The following CHSY3 variants were observed in gnomAD, a reference collection of about 807,000 sequenced individuals.
The protein encoded by CHSY3 is chondroitin sulfate synthase 3.
CHSY3 carries 35 observed loss-of-function variants against 67.2 expected under a neutral mutation model. The observed-to-expected ratio is 0.52, with a 90% CI of 0.40 to 0.69. The LOEUF is 0.69. Among genes scored for constraint, CHSY3 ranks in the 30% least tolerant of loss-of-function variants. CHSY3 has a pLI of 0.00. For synonymous variants in CHSY3, 474 were observed against 434.7 expected (o/e 1.09, Z -1.12); for missense variants, 1,069 against 1,138.5 (o/e 0.94, Z 0.88).
At chr5:130,044,744 T>C (rs890129337) in intron 2 of CHSY3, among the ~76,000 whole-genome samples, 2 of 152,052 alleles carry the variant, frequency 1.3e-5, no homozygotes, top group Non-Finnish European at 2.9e-5. Context: ...GGTATCATTA[T>C]GGGAGTGGGA....
At chr5:130,113,107 AATAC>A (rs1767639528) in intron 2 of CHSY3, among the ~76,000 whole-genome samples, 2 of 103,124 alleles carry the variant, frequency 1.9e-5, no homozygotes, top group Admixed American at 2.2e-4. Context: ...AAAATGATAT[AATAC>A]GTGTGTGTGT....
At chr5:129,954,930 G>A (rs947389451) in intron 2 of CHSY3, among the ~76,000 whole-genome samples, 14 of 152,142 alleles carry the variant, frequency 9.2e-5, no homozygotes, top group East Asian at 1.9e-4. Flanking sequence ...GTGCCGTGGC[G>A]CGATCTTGGC....
At chr5:130,067,886 C>T (rs1214575626) in intron 2 of CHSY3, among the ~76,000 whole-genome samples, 1 of 152,088 alleles carries the variant, frequency 6.6e-6, no homozygotes, top group Non-Finnish European at 1.5e-5. Flanking sequence ...TACATAGGTT[C>T]CCCAAAATAA....
intron 2 of CHSY3, among the ~76,000 whole-genome samples, chr5:130,079,615 A>G (rs945884563): frequency 1.3e-5 from 2 of 152,114 alleles, no homozygotes; most frequent in East Asian, 1.9e-4. Context: ...GAGGGGTCTT[A>G]CAGACTGGGT....
chr5:130,030,522 A>T (rs991426436), intron 2 of CHSY3, among the ~76,000 whole-genome samples: 1 of 152,214 alleles, frequency 6.6e-6, no homozygotes, highest in Middle Eastern at 3.2e-3. Flanking sequence ...TTAGAACATT[A>T]TTCAAAAATA....
At chr5:130,020,420 AAAATATAT>A (rs1254060518) in intron 2 of CHSY3, among the ~76,000 whole-genome samples, 14 of 59,214 alleles carry the variant, frequency 2.4e-4, no homozygotes, top group South Asian at 7.6e-4. Flanking sequence ...ACTTCATCTC[AAAATATAT>A]ATATATATAT....
rs141798077 is a variant in CHSY3 at position 130,066,441 on chromosome 5, A to G, written c.1087-117788A>G. Among the ~76,000 whole-genome samples the G allele has an allele frequency of 4.4e-3, 665 of 152,218 alleles. 7 individuals carry two copies. The highest frequency in any genetic ancestry group is 0.015 in the African/African-American group (633 of 41,566). On this transcript the variant is annotated intron_variant, in intron 2 of 2. Coordinates refer to ENST00000305031, the MANE Select transcript of CHSY3 (RefSeq NM_175856.5). ...CACGATTAATTAGTAGCAGGATGGA[A>G]TTTGAACTTAGGGCCTCTAGCTGTA...
At chr5:130,151,895 G>A (rs897003221) in intron 2 of CHSY3, among the ~76,000 whole-genome samples, 3 of 152,130 alleles carry the variant, frequency 2.0e-5, no homozygotes, top group African/African-American at 7.2e-5. Flanking sequence ...GAACAAAACA[G>A]GCAAAATTCA....
intron 2 of CHSY3, among the ~76,000 whole-genome samples, chr5:130,180,084 T>A (rs1166307584): frequency 2.0e-5 from 3 of 152,190 alleles, no homozygotes; most frequent in Non-Finnish European, 2.9e-5. Context: ...GTAAGTTTTA[T>A]GCCCTACATT....
Position 130,143,756 on chromosome 5 carries a change from A to ATATATATATATATGTGTGTGTGTG in CHSY3, c.1087-40472_1087-40471insATATATATATATGTGTGTGTGTGT, listed in dbSNP as rs1433405052. Among the ~76,000 whole-genome samples the ATATATATATATATGTGTGTGTGTG allele has an allele frequency of 1.2e-4, 12 of 101,910 alleles. 1 individual carries two copies. The highest frequency in any genetic ancestry group is 5.7e-4 in the African/African-American group (12 of 20,974). 66.9% of individuals were successfully genotyped at this position (101,910 alleles called of 152,430 possible). On this transcript the variant is annotated intron_variant, in intron 2 of 2. Coordinates refer to ENST00000305031, the MANE Select transcript of CHSY3 (RefSeq NM_175856.5). Reference sequence around the variant, plus strand: ...TGTGTATATATATATATATATATATATGTGTGTGTGTGTATATATATATAT... The same window carrying ATATATATATATATGTGTGTGTGTG: ...TGTGTATATATATATATATATATATATATATATATATATGTGTGTGTGTGTGTGTGTGTGTGTATATATATATAT...
chr5:130,143,756 ATG>A (rs1172129222), intron 2 of CHSY3, among the ~76,000 whole-genome samples: 1,630 of 101,882 alleles, frequency 0.016, 96 homozygotes, highest in African/African-American at 0.074. Context: ...ATATATATAT[ATG>A]TGTGTGTGTG....
Position 129,961,776 on chromosome 5 carries a change from A to T in CHSY3, c.1086+53416A>T, listed in dbSNP as rs73785825. The stretch of plus-strand genomic sequence containing the variant: ...TTTATGAAATTACAACCTGACATAA[A>T]CTTGTGCAACAGCTGTACTTTTTTC... On this transcript the variant is annotated intron_variant, in intron 2 of 2. Coordinates refer to ENST00000305031, the MANE Select transcript of CHSY3 (RefSeq NM_175856.5). 1.0e-2 allele frequency among the ~76,000 whole-genome samples: 1,520 copies of T among 152,008 alleles called. 28 individuals carry two copies. The highest frequency in any genetic ancestry group is 0.035 in the African/African-American group (1,457 of 41,482).
intron 2 of CHSY3, among the ~76,000 whole-genome samples, chr5:129,962,475 C>G (rs1298279374): frequency 1.3e-5 from 2 of 152,012 alleles, no homozygotes; most frequent in African/African-American, 2.4e-5. Flanking sequence ...AGATTGTTCT[C>G]TGATTTGCAG....
intron 2 of CHSY3, among the ~76,000 whole-genome samples, chr5:130,013,046 C>G (rs1764113645): frequency 6.6e-6 from 1 of 151,590 alleles, no homozygotes. Context: ...TTGGCAAAAA[C>G]AAAGGGGCTA....
At chr5:130,143,586 G>C (rs1430753405) in intron 2 of CHSY3, among the ~76,000 whole-genome samples, 2 of 150,540 alleles carry the variant, frequency 1.3e-5, no homozygotes, top group Admixed American at 6.6e-5. Context: ...TCTAATTCAG[G>C]GTTATTGCTA....
At position 130,129,788 on chromosome 5, in the gene CHSY3, A is replaced by C. The variant is rs544763218; in HGVS notation, c.1087-54441A>C. Among the ~76,000 whole-genome samples the C allele has an allele frequency of 3.5e-4, 53 of 152,240 alleles. No individual in the cohort carries two copies. The South Asian group carries it at 3.9e-3, about 11-fold the overall frequency. Reference sequence around the variant, plus strand: ...GCAGACTTGAAGTCTCATTCTCCTTATCAGTAAAAGATGGATGAAACCACA... The same window carrying C: ...GCAGACTTGAAGTCTCATTCTCCTTCTCAGTAAAAGATGGATGAAACCACA... On this transcript the variant is annotated intron_variant, in intron 2 of 2. Transcript: ENST00000305031.
At chr5:130,031,799 G>A (rs900922112) in intron 2 of CHSY3, among the ~76,000 whole-genome samples, 3 of 152,154 alleles carry the variant, frequency 2.0e-5, no homozygotes, top group Non-Finnish European at 4.4e-5. Flanking sequence ...ATGCAAGATA[G>A]TGTTACAAAT....
chr5:129,949,796 G>C (rs927051828), intron 2 of CHSY3, among the ~76,000 whole-genome samples: 13 of 152,120 alleles, frequency 8.5e-5, no homozygotes, highest in Admixed American at 7.9e-4. Flanking sequence ...GAGATAACAA[G>C]GGTGGTTCAA....
At chr5:129,934,409 A>T (rs1478356225) in intron 2 of CHSY3, among the ~76,000 whole-genome samples, 1 of 152,164 alleles carries the variant, frequency 6.6e-6, no homozygotes, top group Non-Finnish European at 1.5e-5. Flanking sequence ...GAGAAAATGA[A>T]AAATAAACAA....
Sources: allele counts gnomAD v4.1 joint callset (sites outside exome capture counted in the v4.1 genomes callset), GRCh38; gene constraint gnomAD v4.1.1; transcripts MANE v1.5; gene names NCBI Gene and HGNC (gene_info 2026-07-23, HGNC 2026-07-21).